The following RALGPS2 variants were observed in gnomAD, a reference collection of about 807,000 sequenced individuals.
RALGPS2 encodes Ral GEF with PH domain and SH3 binding motif 2.
Under a neutral mutation model 86.8 loss-of-function variants are expected in RALGPS2, and 43 were observed. The observed-to-expected ratio is 0.50, with a 90% CI of 0.39 to 0.64. RALGPS2 has a LOEUF of 0.64. Among genes scored for constraint, RALGPS2 ranks in the 30% least tolerant of loss-of-function variants. The pLI, the probability that RALGPS2 is intolerant of heterozygous loss-of-function variation, is 0.00. For synonymous variants in RALGPS2, 243 were observed against 231.3 expected (o/e 1.05, Z -0.46); for missense variants, 536 against 694.6 (o/e 0.77, Z 2.57).
intron 1 of RALGPS2, among the ~76,000 whole-genome samples, chr1:178,770,927 G>T (rs1360881523): frequency 6.9e-6 from 1 of 143,992 alleles, no homozygotes; most frequent in Non-Finnish European, 1.5e-5. Context: ...CAACCTCCCC[G>T]TCGCGGGATC....
chr1:178,863,534 T>C (rs1163388192), intron 8 of RALGPS2, among the ~76,000 whole-genome samples: 3 of 152,240 alleles, frequency 2.0e-5, no homozygotes, highest in Non-Finnish European at 4.4e-5. Flanking sequence ...CCTTGAGATC[T>C]GCTAAATTGA....
intron 10 of RALGPS2, among the ~76,000 whole-genome samples, chr1:178,881,143 G>T (rs915482899): frequency 2.6e-5 from 4 of 152,130 alleles, no homozygotes; most frequent in African/African-American, 9.7e-5. Flanking sequence ...CAAAACAGAT[G>T]ATTATAAAAC....
rs528408825 is a variant in RALGPS2, at chr1:178,780,986, A to G, written c.58-3432A>G. On this transcript the variant is annotated intron_variant, in intron 2 of 19. Transcript: ENST00000367635. ...TAATATATGTTTGTTTTCTTTGTAT[A>G]TTTATAACCATATTTCTTGAATATG... Among the ~76,000 whole-genome samples, 5 of 151,908 alleles carry G rather than the reference A, an allele frequency of 3.3e-5. No individual in the cohort carries two copies. In the South Asian group the frequency reaches 6.2e-4, roughly 19 times the overall value.
At chr1:178,859,828 C>T (rs1300904756) in intron 8 of RALGPS2, among the ~76,000 whole-genome samples, 4 of 84,320 alleles carry the variant, frequency 4.7e-5, no homozygotes, top group Non-Finnish European at 8.2e-5. Context: ...CCGCCCCCCC[C>T]CCCCCAACCG....
At chr1:178,890,906 T>TG (rs1235493514) in intron 14 of RALGPS2, among the ~76,000 whole-genome samples, 24 of 152,068 alleles carry the variant, frequency 1.6e-4, no homozygotes, top group African/African-American at 5.3e-4. Flanking sequence ...ACACAAGAAT[T>TG]GCCTTTGACA....
chr1:178,729,873 G>T (rs1650236542), intron 1 of RALGPS2, among the ~76,000 whole-genome samples: 1 of 152,022 alleles, frequency 6.6e-6, no homozygotes, highest in Non-Finnish European at 1.5e-5. Context: ...AGCAACCATA[G>T]GTGTTTCTTC....
intron 1 of RALGPS2, among the ~76,000 whole-genome samples, chr1:178,742,328 C>T (rs1651083508): frequency 1.3e-5 from 2 of 152,024 alleles, no homozygotes; most frequent in South Asian, 4.1e-4. Context: ...TAATATTGGA[C>T]AAGACCCAAG....
rs777854572 is a variant in RALGPS2, at chr1:178,865,163, G to T, written c.608-12335G>T. 37 of 1,608,314 alleles carry T rather than the reference G, an allele frequency of 2.3e-5. No individual in the cohort carries two copies. The highest frequency in any genetic ancestry group is 3.1e-5 in the Non-Finnish European group (36 of 1,176,172). Reference sequence around the variant, plus strand: ...GGGAGACACATGGGTGTCTTGTCGGGAAAATATCCTCAAGCACTGTTCTTC... The same window carrying T: ...GGGAGACACATGGGTGTCTTGTCGGTAAAATATCCTCAAGCACTGTTCTTC... On this transcript the variant is annotated intron_variant, in intron 8 of 19. Transcript: ENST00000367635.
At chr1:178,727,705 T>C (rs956946671) in intron 1 of RALGPS2, among the ~76,000 whole-genome samples, 2 of 152,162 alleles carry the variant, frequency 1.3e-5, no homozygotes, top group African/African-American at 4.8e-5. Context: ...TAGGTGAAAT[T>C]GTCCTGTTGC....
intron 4 of RALGPS2, among the ~76,000 whole-genome samples, chr1:178,795,344 G>A (rs954020491): frequency 3.9e-5 from 6 of 152,268 alleles, no homozygotes; most frequent in Admixed American, 1.3e-4. Flanking sequence ...GATCAAGGAA[G>A]AATGTTGGTT....
At chr1:178,896,328 G>A (rs1255875515) in intron 16 of RALGPS2, among the ~76,000 whole-genome samples, 1 of 151,972 alleles carries the variant, frequency 6.6e-6, no homozygotes, top group Non-Finnish European at 1.5e-5. Context: ...TTGGTGTCTG[G>A]GGAGTGAGGA....
intron 1 of RALGPS2, among the ~76,000 whole-genome samples, chr1:178,749,181 T>A (rs974742779): frequency 6.6e-6 from 1 of 152,074 alleles, no homozygotes; most frequent in African/African-American, 2.4e-5. Context: ...AAGCTGTTTT[T>A]AAAATTTTTT....
At chr1:178,816,455 A>G (rs577601165) in intron 6 of RALGPS2, among the ~76,000 whole-genome samples, 1 of 152,024 alleles carries the variant, frequency 6.6e-6, no homozygotes, top group Admixed American at 6.6e-5. Context: ...AGTTGTAGGG[A>G]TTTTTTTAAT....
chr1:178,817,345 TAAAAAA>T (rs142692953), intron 6 of RALGPS2, among the ~76,000 whole-genome samples: 1 of 98,050 alleles, frequency 1.0e-5, no homozygotes. Context: ...TGTCTCAATT[TAAAAAA>T]AAAAAAAAAA....
rs115150259 is a variant in RALGPS2, at chr1:178,800,448, A to G, written c.214-7597A>G. On this transcript the variant is annotated intron_variant, in intron 4 of 19. Coordinates refer to ENST00000367635, the MANE Select transcript of RALGPS2 (RefSeq NM_152663.5). ...ACAACAAGACCAACCCCTTCAGCCT[A>G]TACACCATGAAGATGCAAGGATGAA... 3.7e-3 allele frequency among the ~76,000 whole-genome samples: 563 copies of G among 152,196 alleles called. 5 individuals carry two copies. Among genetic ancestry groups the G allele is most frequent in the African/African-American group, 0.012 (506 of 41,526 alleles).
Position 178,855,979 on chromosome 1 carries a change from A to AAT in RALGPS2, c.608-21511_608-21510dup, listed in dbSNP as rs987034636. On this transcript the variant is annotated intron_variant, in intron 8 of 19. Transcript: ENST00000367635. The stretch of plus-strand genomic sequence containing the variant: ...ATATCTAATATAAGAACAAAAAAGT[A>AAT]ATATATATAAGAACAAAATATATAT... Among the ~76,000 whole-genome samples, 8 of 148,426 alleles carry AAT rather than the reference A, an allele frequency of 5.4e-5. No homozygotes were observed. The East Asian group carries it at 1.4e-3, about 25-fold the overall frequency.
chr1:178,764,030 A>G (rs1228149149), intron 1 of RALGPS2, among the ~76,000 whole-genome samples: 1 of 152,000 alleles, frequency 6.6e-6, no homozygotes, highest in South Asian at 2.1e-4. Context: ...TGTTGAGTTC[A>G]GGTCCTGAAT....
intron 7 of RALGPS2, among the ~76,000 whole-genome samples, chr1:178,830,844 G>T (rs1223914964): frequency 6.6e-6 from 1 of 152,186 alleles, no homozygotes; most frequent in Non-Finnish European, 1.5e-5. Flanking sequence ...ACAGTTAGTT[G>T]TCCAACTAGA....
chr1:178,870,481 C>T (rs899827666), intron 8 of RALGPS2, among the ~76,000 whole-genome samples: 6 of 152,064 alleles, frequency 3.9e-5, no homozygotes, highest in Admixed American at 6.6e-5. Flanking sequence ...TTCAGAAACC[C>T]AGCATGGCAT....
Sources: allele counts gnomAD v4.1 joint callset (sites outside exome capture counted in the v4.1 genomes callset), GRCh38; gene constraint gnomAD v4.1.1; transcripts MANE v1.5; gene names NCBI Gene and HGNC (gene_info 2026-07-23, HGNC 2026-07-21).